ROBO2: variants seen among roughly 807,000 people sequenced by gnomAD.
The protein encoded by ROBO2 is roundabout homolog 2.
A neutral mutation model predicts 160.8 loss-of-function variants in ROBO2; 53 were observed. The ratio of observed to expected loss-of-function variants is 0.33; its 90% CI spans 0.26 to 0.41. The LOEUF (loss-of-function observed/expected upper bound fraction) is 0.41. Among genes scored for constraint, ROBO2 ranks in the 10% least tolerant of loss-of-function variants. The pLI, the probability that ROBO2 is intolerant of heterozygous loss-of-function variation, is 1.00. For synonymous variants in ROBO2, 664 were observed against 611.7 expected (o/e 1.09, Z -1.26); for missense variants, 1,577 against 1,722.4 (o/e 0.92, Z 1.49).
Position 76,868,316 on chromosome 3 carries a change from T to G in ROBO2, c.110-229698T>G, listed in dbSNP as rs181088697. Among the ~76,000 whole-genome samples, 131 of 152,320 alleles carry G rather than the reference T, an allele frequency of 8.6e-4. 1 individual carries two copies. Among genetic ancestry groups the G allele is most frequent in the African/African-American group, 2.8e-3 (116 of 41,578 alleles). On this transcript the variant is annotated intron_variant, in intron 2 of 26. Transcript: ENST00000487694. Reference sequence around the variant, plus strand: ...TGACTATGCTCTTTTAAATAATTTTTTCTCTTTCTCTCAAATTCCACTTCT... The same window carrying G: ...TGACTATGCTCTTTTAAATAATTTTGTCTCTTTCTCTCAAATTCCACTTCT...
intron 2 of ROBO2, among the ~76,000 whole-genome samples, chr3:76,663,658 G>C (rs952350732): frequency 1.3e-5 from 2 of 152,114 alleles, no homozygotes; most frequent in African/African-American, 4.8e-5. Context: ...GATGCTAATT[G>C]GAAGAAAGAA....
At chr3:77,308,254 A>G (rs998233566) in intron 2 of ROBO2, among the ~76,000 whole-genome samples, 1 of 152,160 alleles carries the variant, frequency 6.6e-6, no homozygotes, top group East Asian at 1.9e-4. Flanking sequence ...ATATTTAGTC[A>G]TGTTCTATGT....
intron 1 of ROBO2, among the ~76,000 whole-genome samples, chr3:77,074,015 T>C (rs1192729027): frequency 2.6e-5 from 4 of 152,218 alleles, no homozygotes; most frequent in Non-Finnish European, 5.9e-5. Flanking sequence ...AATAGTTTAA[T>C]AGAAACGTGG....
chr3:76,110,920 T>C (rs1488617601), intron 2 of ROBO2, among the ~76,000 whole-genome samples: 1 of 152,174 alleles, frequency 6.6e-6, no homozygotes, highest in African/African-American at 2.4e-5. Context: ...CTCTTTTCAA[T>C]CTTAATCTAG....
intron 1 of ROBO2, among the ~76,000 whole-genome samples, chr3:77,058,177 G>T (rs1343156273): frequency 1.3e-5 from 2 of 152,220 alleles, no homozygotes; most frequent in Non-Finnish European, 2.9e-5. Flanking sequence ...AGTATCACCT[G>T]AATAAAATAG....
intron 2 of ROBO2, among the ~76,000 whole-genome samples, chr3:76,503,024 G>GTGCA (rs1230794921): frequency 3.5e-5 from 5 of 142,370 alleles, no homozygotes. Context: ...GTGTGTGCGC[G>GTGCA]CGCACGCATG....
intron 2 of ROBO2, among the ~76,000 whole-genome samples, chr3:76,212,656 G>A (rs1703219454): frequency 1.3e-5 from 2 of 152,060 alleles, no homozygotes; most frequent in Non-Finnish European, 2.9e-5. Flanking sequence ...AAGTGTGGTA[G>A]GATTTATCCA....
At chr3:76,629,224 C>T (rs2089871112) in intron 2 of ROBO2, among the ~76,000 whole-genome samples, 1 of 152,222 alleles carries the variant, frequency 6.6e-6, no homozygotes, top group African/African-American at 2.4e-5. Context: ...CCAAAATCCA[C>T]ACTGTTCTTC....
chr3:76,832,450 A>C (rs2109336838), intron 2 of ROBO2, among the ~76,000 whole-genome samples: 1 of 152,234 alleles, frequency 6.6e-6, no homozygotes, highest in South Asian at 2.1e-4. Flanking sequence ...CAAACACATA[A>C]AAAAACTGAG....
chr3:77,636,992 C>G (rs2095274765), intron 24 of ROBO2, among the ~76,000 whole-genome samples: 1 of 152,116 alleles, frequency 6.6e-6, no homozygotes, highest in South Asian at 2.1e-4. Flanking sequence ...AGGTGAATTT[C>G]TTTTTCCTTT....
chr3:76,857,560 A>G (rs1367459304), intron 2 of ROBO2, among the ~76,000 whole-genome samples: 1 of 152,100 alleles, frequency 6.6e-6, no homozygotes, highest in African/African-American at 2.4e-5. Context: ...TTCACTACCC[A>G]AAACAATTTT....
At chr3:76,030,440 C>T (rs1459147717) in intron 2 of ROBO2, among the ~76,000 whole-genome samples, 1 of 152,132 alleles carries the variant, frequency 6.6e-6, no homozygotes, top group African/African-American at 2.4e-5. Flanking sequence ...AAGTCCTTGC[C>T]CATGCCTATG....
intron 2 of ROBO2, among the ~76,000 whole-genome samples, chr3:76,494,821 TTATAAGAAATA>T (rs2080051432): frequency 6.6e-6 from 1 of 152,182 alleles, no homozygotes; most frequent in Admixed American, 6.6e-5. Context: ...ATGATTTCCT[TTATAAGAAATA>T]TTCAGAATAG....
At chr3:77,291,798 C>G (rs1477751346) in intron 2 of ROBO2, among the ~76,000 whole-genome samples, 1 of 149,240 alleles carries the variant, frequency 6.7e-6, no homozygotes, top group Non-Finnish European at 1.5e-5. Context: ...GAAGTTGAGG[C>G]TAGAACAGTA....
rs892098609 is a variant in ROBO2, at chr3:77,473,530, T to A, written c.389-3884T>A. On this transcript the variant is annotated intron_variant, in intron 2 of 25. Coordinates refer to ENST00000461745, the Ensembl canonical transcript of ROBO2. Reference sequence around the variant, plus strand: ...GCTGGAGTGCATGAACTCGACTCACTGCAAGCTCCGCCTCCCGGGTTCCTG... The same window carrying A: ...GCTGGAGTGCATGAACTCGACTCACAGCAAGCTCCGCCTCCCGGGTTCCTG... Among the ~76,000 whole-genome samples the A allele has an allele frequency of 3.6e-5, 5 of 138,176 alleles. No individual in the cohort carries two copies. In the Admixed American group the frequency reaches 3.9e-4, roughly 11 times the overall value. The allele number at this position is 138,176 out of a possible 152,430, so 90.6% of individuals were successfully genotyped here. A position where few individuals can be genotyped will look rare whatever the true frequency, so the allele number is the denominator to read the frequency against.
chr3:76,874,125 A>G (rs747921998), intron 2 of ROBO2, among the ~76,000 whole-genome samples: 2 of 152,186 alleles, frequency 1.3e-5, no homozygotes, highest in Non-Finnish European at 1.5e-5. Context: ...GGAATTTGAG[A>G]AAAGGAATTT....
chr3:77,277,152 C>CCTTCCTTA (rs1262589272), intron 2 of ROBO2, among the ~76,000 whole-genome samples: 37 of 112,308 alleles, frequency 3.3e-4, no homozygotes, highest in African/African-American at 1.1e-3. Flanking sequence ...TTCTTTCCTT[C>CCTTCCTTA]TTTCCTTCTT....
At chr3:77,113,097 G>A (rs1216899170) in intron 2 of ROBO2, among the ~76,000 whole-genome samples, 1 of 152,220 alleles carries the variant, frequency 6.6e-6, no homozygotes, top group South Asian at 2.1e-4. Flanking sequence ...TTGTGCATAC[G>A]TCTTGCACGT....
At chr3:77,396,692 A>C (rs1239248043) in intron 2 of ROBO2, among the ~76,000 whole-genome samples, 3 of 152,142 alleles carry the variant, frequency 2.0e-5, no homozygotes, top group Non-Finnish European at 2.9e-5. Context: ...TCAGTCATGA[A>C]AGTCTGTCAA....
Sources: allele counts gnomAD v4.1 joint callset (sites outside exome capture counted in the v4.1 genomes callset), GRCh38; gene constraint gnomAD v4.1.1; transcripts MANE v1.5; gene names NCBI Gene and HGNC (gene_info 2026-07-23, HGNC 2026-07-21).